MGAT4C: variants seen among roughly 807,000 people sequenced by gnomAD.
MGAT4C encodes alpha-1,3-mannosyl-glycoprotein 4-beta-N-acetylglucosaminyltransferase C.
Under a neutral mutation model 40.1 loss-of-function variants are expected in MGAT4C, and 19 were observed. That is an observed-to-expected ratio of 0.47 (90% CI 0.33 to 0.70). The LOEUF (loss-of-function observed/expected upper bound fraction) is 0.70, where lower values mean the gene tolerates loss of function less well. Ranked by LOEUF, MGAT4C falls within the 30% of genes least tolerant of loss-of-function variation. MGAT4C has a pLI of 0.02. For missense variants in MGAT4C, 491 were observed against 563.2 expected (o/e 0.87, Z 1.30); for synonymous variants, 181 against 187.1 (o/e 0.97, Z 0.27).
chr12:86,262,442 C>G (rs1357898819), intron 4 of MGAT4C, among the ~76,000 whole-genome samples: 1 of 151,974 alleles, frequency 6.6e-6, no homozygotes, highest in African/African-American at 2.4e-5. Flanking sequence ...ATCAGCTATC[C>G]CTTTTCAAAG....
intron 2 of MGAT4C, among the ~76,000 whole-genome samples, chr12:86,610,405 C>T (rs920039038): frequency 6.6e-6 from 1 of 152,022 alleles, no homozygotes; most frequent in Admixed American, 6.6e-5. Flanking sequence ...GGAATGTATG[C>T]GCCATGCAAA....
At chr12:86,610,013 G>A (rs968246917) in intron 2 of MGAT4C, among the ~76,000 whole-genome samples, 2 of 152,086 alleles carry the variant, frequency 1.3e-5, no homozygotes, top group Non-Finnish European at 2.9e-5. Flanking sequence ...CCTGGTCATG[G>A]TCTAGGTTTG....
chr12:86,044,798 G>A (rs116254221), intron 2 of MGAT4C, among the ~76,000 whole-genome samples: 28 of 152,220 alleles, frequency 1.8e-4, no homozygotes, highest in African/African-American at 6.3e-4. Flanking sequence ...ACCTAGCTAT[G>A]TTTTACTGCA....
At chr12:86,586,520 C>T (rs1278722635) in intron 2 of MGAT4C, among the ~76,000 whole-genome samples, 2 of 99,940 alleles carry the variant, frequency 2.0e-5, no homozygotes, top group Admixed American at 2.4e-4. Flanking sequence ...CCTGAGGAAT[C>T]GCCACACTGA....
intron 2 of MGAT4C, among the ~76,000 whole-genome samples, chr12:86,501,957 A>G (rs1044818464): frequency 7.9e-5 from 12 of 152,140 alleles, no homozygotes; most frequent in Non-Finnish European, 1.6e-4. Flanking sequence ...TCCCACCAAC[A>G]GTGTAAAAGT....
intron 1 of MGAT4C, among the ~76,000 whole-genome samples, chr12:86,184,497 T>G (rs1265669409): frequency 1.3e-5 from 2 of 152,158 alleles, no homozygotes; most frequent in Non-Finnish European, 2.9e-5. Flanking sequence ...CTCGAAATTT[T>G]AATAATTTCT....
At chr12:86,234,708 T>C (rs922150637) in intron 1 of MGAT4C, among the ~76,000 whole-genome samples, 2 of 152,144 alleles carry the variant, frequency 1.3e-5, no homozygotes, top group Admixed American at 6.6e-5. Context: ...GCTTGAGTTT[T>C]GTCTCCCCTA....
At chr12:86,540,687 G>A (rs1959160269) in intron 2 of MGAT4C, among the ~76,000 whole-genome samples, 1 of 152,176 alleles carries the variant, frequency 6.6e-6, no homozygotes, top group Non-Finnish European at 1.5e-5. Flanking sequence ...AGTGAGCCGA[G>A]ATTGCACCAC....
intron 1 of MGAT4C, among the ~76,000 whole-genome samples, chr12:86,144,839 TTTAAA>T (rs1345092282): frequency 2.0e-5 from 3 of 152,170 alleles, no homozygotes; most frequent in Admixed American, 2.0e-4. Context: ...CCTTGGAGAT[TTTAAA>T]TTATTTTCAA....
At chr12:86,062,359 AC>A (rs926989159) in intron 1 of MGAT4C, among the ~76,000 whole-genome samples, 17 of 152,204 alleles carry the variant, frequency 1.1e-4, no homozygotes, top group Admixed American at 9.2e-4. Context: ...CCACTCAGAG[AC>A]CCCATCTGAA....
rs1454344289 is a variant in MGAT4C at position 85,967,957 on chromosome 12, G to A, written c.*11332C>T. The A allele has an allele frequency of 6.6e-6, 1 of 151,876 alleles. No homozygotes were observed. Among genetic ancestry groups the A allele is most frequent in the African/African-American group, 2.4e-5 (1 of 41,374 alleles). 9.4% of individuals were successfully genotyped at this position (151,876 alleles called of 1,614,324 possible). On this transcript the variant is annotated 3_prime_UTR_variant, in exon 5 of 5. Transcript: ENST00000611864. Reference sequence around the variant, plus strand: ...ATTTCATTTGTGGAAATATATTGAGGCCTATATCAATAACCTCAAACCTTT... The same window carrying A: ...ATTTCATTTGTGGAAATATATTGAGACCTATATCAATAACCTCAAACCTTT...
intron 1 of MGAT4C, among the ~76,000 whole-genome samples, chr12:86,132,076 T>G (rs1249000406): frequency 2.0e-5 from 3 of 152,148 alleles, no homozygotes; most frequent in African/African-American, 7.2e-5. Context: ...ACACCAAGCT[T>G]TTTTAGGATC....
rs142573271 is a variant in MGAT4C, at chr12:86,748,302, C to G, written c.-261-21061G>C. ...ACAAACAGTTCTAATTGTATAATTA[C>G]CTTAAAATCTGCCTCTGGCCTCTGA... On this transcript the variant is annotated intron_variant, in intron 1 of 7. Transcript: ENST00000548651. Among the ~76,000 whole-genome samples the G allele has an allele frequency of 3.4e-3, 510 of 151,638 alleles. 3 individuals carry two copies. The highest frequency in any genetic ancestry group is 0.012 in the African/African-American group (486 of 41,460).
chr12:86,628,389 C>A lies in MGAT4C; in HGVS notation c.-229+98820G>T, dbSNP rs188302222. Among the ~76,000 whole-genome samples the A allele has an allele frequency of 2.8e-4, 43 of 152,234 alleles. 1 individual carries two copies. Among genetic ancestry groups the A allele is most frequent in the Admixed American group, 1.2e-3 (19 of 15,296 alleles). On this transcript the variant is annotated intron_variant, in intron 2 of 7. Transcript: ENST00000548651. ...AGGCCACATTCAAATTCAGGAAATA[C>A]AGAGAACACCACAAAGATACTCCTC...
At chr12:86,678,829 T>C (rs941414207) in intron 2 of MGAT4C, among the ~76,000 whole-genome samples, 3 of 152,108 alleles carry the variant, frequency 2.0e-5, no homozygotes, top group Admixed American at 1.3e-4. Flanking sequence ...CAGTCTATCA[T>C]TGTTGGATAT....
intron 2 of MGAT4C, among the ~76,000 whole-genome samples, chr12:86,710,311 A>G (rs1012581243): frequency 3.9e-5 from 6 of 152,192 alleles, no homozygotes; most frequent in Non-Finnish European, 7.3e-5. Flanking sequence ...CAACCTTTCT[A>G]GTAAGCAATT....
chr12:86,587,342 T>C (rs1304113904), intron 2 of MGAT4C, among the ~76,000 whole-genome samples: 1 of 152,148 alleles, frequency 6.6e-6, no homozygotes, highest in Admixed American at 6.6e-5. Flanking sequence ...ACCATGCTGT[T>C]TTGGTTACTG....
chr12:86,410,800 A>T (rs143594254), intron 3 of MGAT4C, among the ~76,000 whole-genome samples: 4,508 of 152,294 alleles, frequency 0.03, 101 homozygotes, highest in Middle Eastern at 0.071. Flanking sequence ...TTATAAAAGT[A>T]TTAATTTTGG....
Position 85,959,143 on chromosome 12 carries a change from G to A in MGAT4C, c.*20146C>T, listed in dbSNP as rs184066233. On this transcript the variant is annotated 3_prime_UTR_variant, in exon 5 of 5. Coordinates refer to ENST00000611864, the MANE Select transcript of MGAT4C (RefSeq NM_001351288.2). ...CCTTCAAGTTCTACCTGATAAAGTG[G>A]TGGAATAAAGATGGTATTTTCCATA... The A allele has an allele frequency of 2.6e-4, 40 of 152,074 alleles. No homozygotes were observed. The highest frequency in any genetic ancestry group is 9.4e-4 in the African/African-American group (39 of 41,502). The allele number at this position is 152,074 out of a possible 1,614,324, so 9.4% of individuals were successfully genotyped here.
Sources: gnomAD v4.1 joint callset for allele counts (sites outside exome capture counted in the v4.1 genomes callset) on GRCh38, gnomAD v4.1.1 for gene constraint, MANE v1.5 for transcripts, NCBI Gene and HGNC (gene_info 2026-07-23, HGNC 2026-07-21) for gene names.